Variants in XRRA1 observed in about 807,000 individuals in gnomAD.
XRRA1 encodes X-ray radiation resistance-associated protein 1.
XRRA1 carries 69 observed loss-of-function variants against 80.2 expected under a neutral mutation model. The ratio of observed to expected loss-of-function variants is 0.86; its 90% CI spans 0.71 to 1.05. The LOEUF (loss-of-function observed/expected upper bound fraction) is 1.05, where lower values mean the gene tolerates loss of function less well. Ranked by LOEUF, XRRA1 falls within the 50% of genes least tolerant of loss-of-function variation. The pLI, the probability that XRRA1 is intolerant of heterozygous loss-of-function variation, is 0.00. For synonymous variants in XRRA1, 348 were observed against 389.9 expected, an observed-to-expected ratio of 0.89 and a Z score of 1.27; for missense variants, 967 against 976.4, an observed-to-expected ratio of 0.99 and a Z score of 0.13.
intron 17 of XRRA1, 44 bp downstream of exon 17, chr11:74,844,124 G>T: frequency 6.4e-7 from 1 of 1,562,722 alleles, no homozygotes; most frequent in Non-Finnish European, 8.8e-7. Flanking sequence ...AATTGTGGGC[G>T]GTACTCAGGG....
At chr11:74,875,168 C>T (rs572298348) in intron 10 of XRRA1, among the ~76,000 whole-genome samples, 12 of 152,242 alleles carry the variant, frequency 7.9e-5, no homozygotes, top group East Asian at 1.9e-4. Context: ...TTTCCTTCCA[C>T]GAGAGGTAGC....
chr11:74,856,992 C>T (rs143186356), intron 12 of XRRA1, among the ~76,000 whole-genome samples: 1 of 152,198 alleles, frequency 6.6e-6, no homozygotes, highest in East Asian at 1.9e-4. Context: ...AAAAGCCTAT[C>T]CTTGAGACAC....
At chr11:74,859,831 C>G (rs1395773633) in intron 11 of XRRA1, among the ~76,000 whole-genome samples, 3 of 151,962 alleles carry the variant, frequency 2.0e-5, no homozygotes, top group Admixed American at 1.3e-4. Flanking sequence ...TTCAACCTGC[C>G]CGTGGGAGCT....
At chr11:74,880,392 T>C (rs2047225469) in intron 10 of XRRA1, among the ~76,000 whole-genome samples, 1 of 151,986 alleles carries the variant, frequency 6.6e-6, no homozygotes, top group Non-Finnish European at 1.5e-5. Flanking sequence ...ATCAATTTTG[T>C]TGATCCTTTC....
Position 74,892,629 on chromosome 11 carries a change from T to C in XRRA1, c.1003+13610A>G, listed in dbSNP as rs557181013. On this transcript the variant is annotated intron_variant, in intron 10 of 18. Coordinates refer to ENST00000684022, the MANE Select transcript of XRRA1 (RefSeq NM_001378157.1). ...CAGAGTGAACAGGCAACCTACAGAATGGGAGAACATTTTTGCAATCTACTC... is the reference window on the plus strand; with the variant it reads ...CAGAGTGAACAGGCAACCTACAGAACGGGAGAACATTTTTGCAATCTACTC... 4.8e-3 allele frequency among the ~76,000 whole-genome samples: 724 copies of C among 152,152 alleles called. 4 individuals carry two copies. The highest frequency in any genetic ancestry group is 0.017 in the African/African-American group (685 of 41,502).
chr11:74,843,217 T>C lies in XRRA1; in HGVS notation c.2386A>G (p.Ser796Gly). The C allele has an allele frequency of 1.3e-6, 2 of 1,558,092 alleles. No homozygotes were observed. Among genetic ancestry groups the C allele is most frequent in the Non-Finnish European group, 1.7e-6 (2 of 1,150,898 alleles). Reference sequence around the variant, plus strand: ...GCACAGCTCTAGCCTTGTGAGTCACTGGCTGTGGGCTCCTGGCAGAACTCA... The same window carrying C: ...GCACAGCTCTAGCCTTGTGAGTCACCGGCTGTGGGCTCCTGGCAGAACTCA... ...MDEFCQEPTA[S>G]DSQG The change falls in exon 19 of 19, where the codon AGT (serine) becomes GGT (glycine). Residue 796 changes from serine (S) to glycine (G), a missense_variant. Ser to Gly is a moderately conservative substitution (Grantham distance 56). Coordinates refer to ENST00000684022, the MANE Select transcript of XRRA1 (RefSeq NM_001378157.1).
intron 10 of XRRA1, among the ~76,000 whole-genome samples, chr11:74,890,665 TAAA>T (rs1565337142): frequency 1.3e-5 from 2 of 151,690 alleles, no homozygotes; most frequent in South Asian, 2.1e-4. Context: ...GCAAGACTAA[TAAA>T]GAAGAAAAGA....
At chr11:74,887,402 C>T (rs956681409) in intron 10 of XRRA1, among the ~76,000 whole-genome samples, 32 of 152,118 alleles carry the variant, frequency 2.1e-4, no homozygotes, top group Middle Eastern at 6.8e-3. Flanking sequence ...AGTAGGCAAA[C>T]GACATGAACA....
chr11:74,890,031 T>C (rs1315778405), intron 10 of XRRA1, among the ~76,000 whole-genome samples: 1 of 152,088 alleles, frequency 6.6e-6, no homozygotes, highest in Non-Finnish European at 1.5e-5. Flanking sequence ...GAATTGAACT[T>C]AGCTCTGCAC....
intron 10 of XRRA1, among the ~76,000 whole-genome samples, chr11:74,904,087 TAAGA>T (rs1347635942): frequency 2.6e-5 from 4 of 152,180 alleles, no homozygotes; most frequent in Non-Finnish European, 5.9e-5. Flanking sequence ...ATAAAGAACC[TAAGA>T]ATGAGGTTCA....
At chr11:74,943,933 T>TAC (rs1349581972) in intron 2 of XRRA1, among the ~76,000 whole-genome samples, 1 of 152,094 alleles carries the variant, frequency 6.6e-6, no homozygotes, top group Non-Finnish European at 1.5e-5. Flanking sequence ...ACAATCCTCC[T>TAC]ACCTCAGCCT....
chr11:74,850,049 AT>A (rs1209327385), intron 14 of XRRA1, among the ~76,000 whole-genome samples: 1 of 152,060 alleles, frequency 6.6e-6, no homozygotes, highest in African/African-American at 2.4e-5. Flanking sequence ...CAAAGCATTG[AT>A]TTGTTTCTCA....
intron 10 of XRRA1, among the ~76,000 whole-genome samples, chr11:74,866,504 C>A (rs1220146584): frequency 6.6e-6 from 1 of 152,124 alleles, no homozygotes; most frequent in African/African-American, 2.4e-5. Flanking sequence ...AATCTTCCTA[C>A]TTCAGCCTCC....
chr11:74,885,282 C>G (rs2136964392), intron 10 of XRRA1, among the ~76,000 whole-genome samples: 1 of 152,014 alleles, frequency 6.6e-6, no homozygotes. Flanking sequence ...GAAAAAAGAT[C>G]AACAAATACA....
chr11:74,885,578 A>G (rs2048829445), intron 10 of XRRA1, among the ~76,000 whole-genome samples: 1 of 152,212 alleles, frequency 6.6e-6, no homozygotes, highest in African/African-American at 2.4e-5. Flanking sequence ...CAGTAATAAA[A>G]AGCCTGCCAA....
At chr11:74,929,006 G>C (rs1942901992) in intron 6 of XRRA1, among the ~76,000 whole-genome samples, 1 of 152,120 alleles carries the variant, frequency 6.6e-6, no homozygotes, top group African/African-American at 2.4e-5. Flanking sequence ...TTATTAGTGA[G>C]GTTGAACACC....
chr11:74,893,577 AT>A (rs1207912290), intron 10 of XRRA1, among the ~76,000 whole-genome samples: 3 of 152,022 alleles, frequency 2.0e-5, no homozygotes, highest in Non-Finnish European at 2.9e-5. Flanking sequence ...AAATAAAAAA[AT>A]AAAGACTTCA....
At chr11:74,882,616 G>C (rs1418235057) in intron 10 of XRRA1, among the ~76,000 whole-genome samples, 3 of 151,862 alleles carry the variant, frequency 2.0e-5, no homozygotes, top group Admixed American at 6.6e-5. Context: ...TTTTTCTGTT[G>C]TGTTTTTTCC....
rs1947211320 is a variant in XRRA1, at chr11:74,945,043, CCTTAA to C, written c.-35_-31del. On this transcript the variant is annotated 5_prime_UTR_variant, in exon 2 of 19. Transcript: ENST00000684022. ...TTGATCTTTGACTTTGGGAATGGCCCCTTAACTTCCTTTTTTTTTTGTTTCTTCAC... is the reference window on the plus strand; with the variant it reads ...TTGATCTTTGACTTTGGGAATGGCCCCTTCCTTTTTTTTTTGTTTCTTCAC... The C allele has an allele frequency of 6.6e-6, 1 of 152,496 alleles. No homozygotes were observed. Among genetic ancestry groups the C allele is most frequent in the Non-Finnish European group, 1.5e-5 (1 of 68,014 alleles). 9.4% of individuals were successfully genotyped at this position (152,496 alleles called of 1,614,324 possible). A position where few individuals can be genotyped will look rare whatever the true frequency, so the allele number is the denominator to read the frequency against.
Sources: gnomAD v4.1 joint callset for allele counts (sites outside exome capture counted in the v4.1 genomes callset) on GRCh38, gnomAD v4.1.1 for gene constraint, MANE v1.5 for transcripts, NCBI Gene and HGNC (gene_info 2026-07-23, HGNC 2026-07-21) for gene names.